FUT9: variants seen among roughly 807,000 people sequenced by gnomAD.
FUT9 encodes 4-galactosyl-N-acetylglucosaminide 3-alpha-L-fucosyltransferase 9.
A neutral mutation model predicts 29.7 loss-of-function variants in FUT9; 15 were observed. That is an observed-to-expected ratio of 0.51 (90% CI 0.34 to 0.78). The LOEUF (loss-of-function observed/expected upper bound fraction) is 0.78. FUT9 is among the 30% of genes least tolerant of loss of function. The pLI is 0.01. For synonymous variants in FUT9, 169 were observed against 153.7 expected (o/e 1.10, Z -0.74); for missense variants, 319 against 425.4 (o/e 0.75, Z 2.20).
chr6:96,202,647 G>C (rs980106770), intron 2 of FUT9, among the ~76,000 whole-genome samples: 1 of 151,964 alleles, frequency 6.6e-6, no homozygotes, highest in African/African-American at 2.4e-5. Context: ...AATTTATAAC[G>C]AGAAAAACAA....
intron 1 of FUT9, among the ~76,000 whole-genome samples, chr6:96,029,741 T>A (rs996008336): frequency 6.6e-6 from 1 of 151,570 alleles, no homozygotes; most frequent in Admixed American, 6.6e-5. Flanking sequence ...TTAGGGATGA[T>A]CCAGGAGTTG....
intron 2 of FUT9, among the ~76,000 whole-genome samples, chr6:96,151,332 C>T (rs9377431): frequency 2.6e-5 from 4 of 151,936 alleles, no homozygotes; most frequent in East Asian, 1.9e-4. Context: ...AAATACATTA[C>T]AATATCTGAA....
intron 2 of FUT9, among the ~76,000 whole-genome samples, chr6:96,124,153 C>CTTTTTTTTTTTTTT (rs35122970): frequency 8.0e-6 from 1 of 125,060 alleles, no homozygotes; most frequent in African/African-American, 3.0e-5. Context: ...TTTCTTTTTT[C>CTTTTTTTTTTTTTT]TTTTTTTTTT....
intron 2 of FUT9, among the ~76,000 whole-genome samples, chr6:96,140,637 G>A (rs377564121): frequency 6.6e-6 from 1 of 152,148 alleles, no homozygotes; most frequent in Admixed American, 6.5e-5. Flanking sequence ...AGGAGCAAAG[G>A]CACATCTTAC....
At position 96,088,578 on chromosome 6, in the gene FUT9, G is replaced by A. The variant is rs144364429; in HGVS notation, c.-97-25461G>A. On this transcript the variant is annotated intron_variant, in intron 1 of 2. Transcript: ENST00000302103. ...TGTGTGTGTGTGTGTGCGTGCGCGCGCGTGCTCCATATTGGATAGTTTCTA... is the reference window on the plus strand; with the variant it reads ...TGTGTGTGTGTGTGTGCGTGCGCGCACGTGCTCCATATTGGATAGTTTCTA... 9.1e-3 allele frequency among the ~76,000 whole-genome samples: 1,373 copies of A among 150,650 alleles called. 22 individuals are homozygous for A. The highest frequency in any genetic ancestry group is 0.032 in the African/African-American group (1,293 of 40,998).
At chr6:96,065,406 C>T (rs544955693) in intron 1 of FUT9, among the ~76,000 whole-genome samples, 12 of 152,094 alleles carry the variant, frequency 7.9e-5, no homozygotes, top group Non-Finnish European at 1.5e-4. Flanking sequence ...GGAGCAAGAA[C>T]ACTTGGAAAA....
At chr6:96,135,058 G>A (rs1195247307) in intron 2 of FUT9, among the ~76,000 whole-genome samples, 1 of 151,786 alleles carries the variant, frequency 6.6e-6, no homozygotes, top group Non-Finnish European at 1.5e-5. Flanking sequence ...GCAAAGTTAA[G>A]GAGTAACATG....
At chr6:96,031,831 A>G (rs1178602064) in intron 1 of FUT9, among the ~76,000 whole-genome samples, 1 of 151,596 alleles carries the variant, frequency 6.6e-6, no homozygotes, top group Non-Finnish European at 1.5e-5. Context: ...ATTTTACAAA[A>G]TTCTTGATGG....
chr6:96,114,455 T>A (rs1355835499), intron 2 of FUT9, among the ~76,000 whole-genome samples: 1 of 151,694 alleles, frequency 6.6e-6, no homozygotes, highest in Non-Finnish European at 1.5e-5. Flanking sequence ...GTAAAAAAAA[T>A]TAGACATGGA....
intron 1 of FUT9, among the ~76,000 whole-genome samples, chr6:96,049,149 T>C (rs1770618900): frequency 1.3e-5 from 2 of 152,138 alleles, no homozygotes; most frequent in Admixed American, 6.6e-5. Context: ...GTTTGATTGG[T>C]CTAAGTCAGA....
At chr6:96,149,522 G>C (rs1772638240) in intron 2 of FUT9, among the ~76,000 whole-genome samples, 1 of 152,074 alleles carries the variant, frequency 6.6e-6, no homozygotes, top group Non-Finnish European at 1.5e-5. Context: ...CTAAATCACA[G>C]AACTCCCATT....
chr6:96,129,134 G>A (rs558531744), intron 2 of FUT9, among the ~76,000 whole-genome samples: 106 of 151,414 alleles, frequency 7.0e-4, no homozygotes, highest in African/African-American at 2.2e-3. Flanking sequence ...GCGTGGTGGC[G>A]GGCGCCTGTA....
intron 1 of FUT9, among the ~76,000 whole-genome samples, chr6:96,027,953 A>T (rs964275472): frequency 1.3e-5 from 2 of 151,612 alleles, no homozygotes; most frequent in African/African-American, 2.4e-5. Flanking sequence ...TAATAGCAAC[A>T]TTAACATGTG....
At chr6:96,127,081 A>C (rs1355634671) in intron 2 of FUT9, among the ~76,000 whole-genome samples, 2 of 152,202 alleles carry the variant, frequency 1.3e-5, no homozygotes, top group Non-Finnish European at 2.9e-5. Context: ...CAGGTTTGTT[A>C]GATAGGTAAA....
chr6:96,212,451 C>G lies in FUT9; in HGVS notation c.*8216C>G. 2.4e-6 allele frequency: 1 copy of G among 410,836 alleles called. No individual in the cohort carries two copies. The highest frequency in any genetic ancestry group is 4.5e-6 in the Non-Finnish European group (1 of 224,672). 25.4% of individuals were successfully genotyped at this position (410,836 alleles called of 1,614,324 possible). ...ACTTTTTAGATAAAAGATAATCTAT[C>G]TTGAATATTTCATATGTGATTTTAA... On this transcript the variant is annotated 3_prime_UTR_variant, in exon 3 of 3. Coordinates refer to ENST00000302103, the MANE Select transcript of FUT9 (RefSeq NM_006581.4).
At chr6:96,088,432 C>G (rs998946850) in intron 1 of FUT9, among the ~76,000 whole-genome samples, 7 of 151,660 alleles carry the variant, frequency 4.6e-5, no homozygotes, top group Non-Finnish European at 7.4e-5. Flanking sequence ...TTTATTTAAA[C>G]ACTTTTGTCT....
intron 2 of FUT9, among the ~76,000 whole-genome samples, chr6:96,134,112 GA>G: frequency 6.6e-6 from 1 of 151,540 alleles, no homozygotes; most frequent in South Asian, 2.1e-4. Context: ...TGAACAAATA[GA>G]AAAAAATTAA....
At chr6:96,108,071 TA>T (rs1419599996) in intron 1 of FUT9, among the ~76,000 whole-genome samples, 1 of 150,790 alleles carries the variant, frequency 6.6e-6, no homozygotes, top group African/African-American at 2.4e-5. Flanking sequence ...TGTTCCACAA[TA>T]AAAAGCTTAA....
In FUT9 at chr6:96,212,889, T is replaced by A. The variant is rs1046424782; in HGVS notation, c.*8654T>A. 1 of 166,618 alleles carries A rather than the reference T, an allele frequency of 6.0e-6. No individual in the cohort carries two copies. Among genetic ancestry groups the A allele is most frequent in the East Asian group, 1.9e-4 (1 of 5,190 alleles). 10.3% of individuals were successfully genotyped at this position (166,618 alleles called of 1,614,324 possible). ...AAGAAGAGGAGTAGTAAACTAAGGA[T>A]CAAAGCCCAAGTTCCAGTTTTCACA... On this transcript the variant is annotated 3_prime_UTR_variant, in exon 3 of 3. Transcript: ENST00000302103.
Sources: gnomAD v4.1 joint callset for allele counts (sites outside exome capture counted in the v4.1 genomes callset) on GRCh38, gnomAD v4.1.1 for gene constraint, MANE v1.5 for transcripts, NCBI Gene and HGNC (gene_info 2026-07-23, HGNC 2026-07-21) for gene names.